MANSC4: variants seen among roughly 807,000 people sequenced by gnomAD.
MANSC4 encodes MANSC domain containing 4, also known as MANSC domain-containing protein 4.
A neutral mutation model predicts 11.4 loss-of-function variants in MANSC4; 11 were observed. That is an observed-to-expected ratio of 0.97 (90% confidence interval 0.61 to 1.60). The LOEUF is 1.60. MANSC4 is among the 40% of genes most tolerant of loss of function. The pLI is 0.00. For missense variants in MANSC4, 354 were observed against 404.6 expected, an observed-to-expected ratio of 0.88 and a Z score of 1.07; for synonymous variants, 123 against 147.1, an observed-to-expected ratio of 0.84 and a Z score of 1.19.
chr12:27,773,300 C>T (rs2062107547), intron 1 of MANSC4, among the ~76,000 whole-genome samples: 1 of 152,198 alleles, frequency 6.6e-6, no homozygotes, highest in South Asian at 2.1e-4. Flanking sequence ...AAAACTTTTT[C>T]TGGAGATTGC....
intron 3 of MANSC4, 110 bp from the exon 4 acceptor site, chr12:27,763,506 A>G: frequency 6.2e-6 from 6 of 963,610 alleles, no homozygotes; most frequent in Non-Finnish European, 9.1e-6. Flanking sequence ...TATCGAACGA[A>G]GCTAAATTCA....
rs1239841954 is a variant in MANSC4, at chr12:27,771,321, A to T, written c.-45T>A. The T allele has an allele frequency of 6.6e-7, 1 of 1,503,994 alleles. No individual in the cohort carries two copies. The highest frequency in any genetic ancestry group is 1.4e-5 in the African/African-American group (1 of 71,920). 93.2% of individuals were successfully genotyped at this position (1,503,994 alleles called of 1,614,324 possible). On this transcript the variant is annotated 5_prime_UTR_variant, in exon 2 of 4. Transcript: ENST00000381273. ...ACTCGAAGATAAGTCTGATTTCCAGACAGAAGCTGAACACTGGAGTTTAGG... is the reference window on the plus strand; with the variant it reads ...ACTCGAAGATAAGTCTGATTTCCAGTCAGAAGCTGAACACTGGAGTTTAGG...
intron 2 of MANSC4, among the ~76,000 whole-genome samples, chr12:27,767,701 A>G (rs2062079474): frequency 6.6e-6 from 1 of 152,080 alleles, no homozygotes; most frequent in African/African-American, 2.4e-5. Flanking sequence ...CCGTCTCAAC[A>G]ACAACAACAA....
At chr12:27,778,648 T>G (rs1591811682) in intron 1 of MANSC4, among the ~76,000 whole-genome samples, 1 of 152,198 alleles carries the variant, frequency 6.6e-6, no homozygotes, top group African/African-American at 2.4e-5. Context: ...TTGGGGTAAG[T>G]TTTCAAGGTT....
intron 1 of MANSC4, among the ~76,000 whole-genome samples, chr12:27,777,806 G>A (rs954975900): frequency 1.4e-4 from 22 of 152,110 alleles, no homozygotes; most frequent in African/African-American, 5.1e-4. Context: ...AAATAGGCCA[G>A]GCACAGTAGT....
At chr12:27,763,746 T>A (rs970883401) in intron 3 of MANSC4, among the ~76,000 whole-genome samples, 1 of 152,118 alleles carries the variant, frequency 6.6e-6, no homozygotes, top group South Asian at 2.1e-4. Flanking sequence ...TTATTTATTT[T>A]TTGAGACAGG....
intron 1 of MANSC4, among the ~76,000 whole-genome samples, chr12:27,772,488 T>C (rs1413860625): frequency 4.6e-5 from 7 of 152,238 alleles, no homozygotes; most frequent in African/African-American, 1.2e-4. Context: ...TTACATATCT[T>C]TTTATTTTTA....
intron 1 of MANSC4, among the ~76,000 whole-genome samples, chr12:27,772,064 CA>C (rs1414906277): frequency 1.3e-5 from 2 of 151,956 alleles, no homozygotes; most frequent in Non-Finnish European, 2.9e-5. Context: ...ACCAAACAAA[CA>C]AACAAACAAA....
rs1278546293 is a variant in MANSC4 at position 27,763,113 on chromosome 12, C to G, written c.648G>C (p.Lys216Asn). Residue 216 changes from lysine (K) to asparagine (N), a missense_variant, in exon 4 of 4, where the codon AAG (lysine) becomes AAC (asparagine). Physicochemically the swap from Lys to Asn is moderately conservative, Grantham distance 94. Coordinates refer to ENST00000381273, the MANE Select transcript of MANSC4 (RefSeq NM_001146221.5). ...LNESITTKINKVSPSTDFISN... is the reference protein window; with the variant it reads ...LNESITTKINNVSPSTDFISN... ...TGATGAAATCAGTACTTGGTGACAC[C>G]TTATTTATCTTTGTGGTAATGGACT... is the stretch of plus-strand genomic sequence containing the variant. The G allele has an allele frequency of 3.2e-6, 5 of 1,551,520 alleles. No individual in the cohort carries two copies. In the Admixed American group the frequency reaches 9.8e-5, roughly 30 times the overall value.
At chr12:27,772,752 A>G (rs2062105736) in intron 1 of MANSC4, among the ~76,000 whole-genome samples, 1 of 152,226 alleles carries the variant, frequency 6.6e-6, no homozygotes, top group Non-Finnish European at 1.5e-5. Flanking sequence ...GAGAGGTTTT[A>G]TAATGGCAAA....
At position 27,762,650 on chromosome 12, in the gene MANSC4, C is replaced by CT; in HGVS notation, c.*87dup. The stretch of plus-strand genomic sequence containing the variant: ...ACAGGCATGAACCACCACGCCCAGC[C>CT]TATTTTTTTTTTTTAACCAAACTGC... On this transcript the variant is annotated 3_prime_UTR_variant, in exon 4 of 4. Transcript: ENST00000381273. 9.0e-7 allele frequency: 1 copy of CT among 1,111,722 alleles called. No individual in the cohort carries two copies. Among genetic ancestry groups the CT allele is most frequent in the Non-Finnish European group, 1.2e-6 (1 of 805,822 alleles). The allele number at this position is 1,111,722 out of a possible 1,614,324, so 68.9% of individuals were successfully genotyped here.
rs2062099362 is a variant in MANSC4, at chr12:27,771,208, G to C, written c.69C>G (p.Leu23=). The change falls in exon 2 of 4, where the codon CTC becomes CTG. Residue 23 remains leucine (L), a synonymous_variant. Coordinates refer to ENST00000381273, the MANE Select transcript of MANSC4 (RefSeq NM_001146221.5). Reference sequence around the variant, plus strand: ...CTCTGTAAAAAATTGTGGGTGAGCAGAGAGAGTCTGATGTCCACCCCATGC... The same window carrying C: ...CTCTGTAAAAAATTGTGGGTGAGCACAGAGAGTCTGATGTCCACCCCATGC... ...LLSMGWTSDS[L]CSPTIFYRDC... is the part of the protein sequence containing the mutation. The C allele has an allele frequency of 1.3e-6, 2 of 1,551,856 alleles. No homozygotes were observed. Among genetic ancestry groups the C allele is most frequent in the African/African-American group, 2.7e-5 (2 of 73,040 alleles).
At chr12:27,768,415 AAAAAAAAG>A (rs1373441348) in intron 2 of MANSC4, among the ~76,000 whole-genome samples, 1 of 140,200 alleles carries the variant, frequency 7.1e-6, no homozygotes, top group Non-Finnish European at 1.6e-5. Context: ...AAAAAAAAAA[AAAAAAAAG>A]AAAAAGAAAA....
intron 1 of MANSC4, among the ~76,000 whole-genome samples, chr12:27,772,848 G>A (rs1008364124): frequency 2.0e-5 from 3 of 152,074 alleles, no homozygotes; most frequent in Non-Finnish European, 2.9e-5. Context: ...AAATGCCCTC[G>A]AGACATAAAC....
chr12:27,763,879 C>T (rs926855262), intron 3 of MANSC4, among the ~76,000 whole-genome samples: 5 of 151,836 alleles, frequency 3.3e-5, no homozygotes, highest in African/African-American at 4.8e-5. Context: ...TACAGGTGTG[C>T]GCCACCACGC....
intron 1 of MANSC4, among the ~76,000 whole-genome samples, chr12:27,777,395 G>A (rs1045033153): frequency 3.3e-5 from 5 of 152,118 alleles, no homozygotes; most frequent in African/African-American, 4.8e-5. Flanking sequence ...TAGAAAAATC[G>A]TAGGTCCAAG....
chr12:27,763,767 A>G (rs1005013186), intron 3 of MANSC4, among the ~76,000 whole-genome samples: 6 of 151,974 alleles, frequency 3.9e-5, no homozygotes, highest in Non-Finnish European at 5.9e-5. Flanking sequence ...GTCTTGCCCT[A>G]TCACCCAGGC....
rs1280318479 is a variant in MANSC4 at position 27,766,723 on chromosome 12, T to A, written c.306A>T (p.Thr102=). The part of the protein sequence containing the change: ...NINCLHVHCP[T]LESCILEPGT... ...CAGGCTCTAATATGCAGCTCTCCAGTGTTGGGCAGTGAACATGGAGGCAGT... is the reference window on the plus strand; with the variant it reads ...CAGGCTCTAATATGCAGCTCTCCAGAGTTGGGCAGTGAACATGGAGGCAGT... The change falls in exon 3 of 4, where the codon ACA becomes ACT. Residue 102 remains threonine, a synonymous_variant. Transcript: ENST00000381273. 6.4e-7 allele frequency: 1 copy of A among 1,551,604 alleles called. No individual in the cohort carries two copies. The highest frequency in any genetic ancestry group is 1.2e-5 in the South Asian group (1 of 84,058).
intron 2 of MANSC4, among the ~76,000 whole-genome samples, chr12:27,769,166 C>G (rs1317155048): frequency 6.6e-6 from 1 of 152,224 alleles, no homozygotes; most frequent in Non-Finnish European, 1.5e-5. Context: ...TAATACATTA[C>G]ACATTACAAA....
Sources: allele counts gnomAD v4.1 joint callset (sites outside exome capture counted in the v4.1 genomes callset), GRCh38; gene constraint gnomAD v4.1.1; transcripts MANE v1.5; gene names NCBI Gene and HGNC (gene_info 2026-07-23, HGNC 2026-07-21).